SLC9A9: variants seen among roughly 807,000 people sequenced by gnomAD.
SLC9A9 encodes the protein solute carrier family 9 member A9.
In SLC9A9, 62 loss-of-function variants were observed where a neutral mutation model predicts 77.8. That is an observed-to-expected ratio of 0.80 (90% CI 0.65 to 0.98). The LOEUF is 0.98. Among genes scored for constraint, SLC9A9 ranks in the 50% least tolerant of loss-of-function variants. The pLI, the probability that SLC9A9 is intolerant of heterozygous loss-of-function variation, is 0.00. For missense variants in SLC9A9, 775 were observed against 774.9 expected, an observed-to-expected ratio of 1.00 and a Z score of 0.00; for synonymous variants, 320 against 283.5, an observed-to-expected ratio of 1.13 and a Z score of -1.29.
intron 2 of SLC9A9, 96 bp downstream of exon 2, chr3:143,831,923 G>A (rs750133960): frequency 9.3e-7 from 1 of 1,072,630 alleles, no homozygotes; most frequent in Non-Finnish European, 1.4e-6. Flanking sequence ...GCATATATGT[G>A]TGTGTGAATG....
chr3:143,321,217 A>C (rs1298342835), intron 14 of SLC9A9, among the ~76,000 whole-genome samples: 1 of 152,256 alleles, frequency 6.6e-6, no homozygotes, highest in Non-Finnish European at 1.5e-5. Flanking sequence ...TCTAACAAGA[A>C]ACCCTTTGGG....
At chr3:143,522,969 C>CG (rs1354785605) in intron 9 of SLC9A9, among the ~76,000 whole-genome samples, 1 of 152,150 alleles carries the variant, frequency 6.6e-6, no homozygotes, top group Non-Finnish European at 1.5e-5. Flanking sequence ...CATGCACCTC[C>CG]TGATTCTCAT....
At chr3:143,361,747 C>A (rs555265420) in intron 14 of SLC9A9, among the ~76,000 whole-genome samples, 47 of 152,216 alleles carry the variant, frequency 3.1e-4, no homozygotes, top group Non-Finnish European at 5.1e-4. Context: ...TGGAAATAAA[C>A]CCCTGATGAA....
chr3:143,287,101 TTGTG>T (rs3032423), intron 14 of SLC9A9, among the ~76,000 whole-genome samples: 3 of 149,128 alleles, frequency 2.0e-5, no homozygotes, highest in South Asian at 2.1e-4. Flanking sequence ...CTGGTCCCAC[TTGTG>T]TGTGTGTGTG....
intron 5 of SLC9A9, among the ~76,000 whole-genome samples, chr3:143,662,721 G>A (rs1422101451): frequency 6.6e-6 from 1 of 152,102 alleles, no homozygotes; most frequent in Non-Finnish European, 1.5e-5. Context: ...AGTCCGAGAT[G>A]AAATTGCGAG....
chr3:143,476,243 A>G (rs2035475000), intron 11 of SLC9A9, among the ~76,000 whole-genome samples: 3 of 152,198 alleles, frequency 2.0e-5, no homozygotes, highest in African/African-American at 7.2e-5. Context: ...GATTGTTTTC[A>G]GTAGGAAAAT....
intron 9 of SLC9A9, among the ~76,000 whole-genome samples, chr3:143,520,997 A>C (rs1489382987): frequency 6.6e-6 from 1 of 152,188 alleles, no homozygotes; most frequent in Non-Finnish European, 1.5e-5. Context: ...GTCATATGTC[A>C]AATGGCAAAT....
At chr3:143,318,714 G>C (rs1239634450) in intron 14 of SLC9A9, among the ~76,000 whole-genome samples, 1 of 152,156 alleles carries the variant, frequency 6.6e-6, no homozygotes, top group East Asian at 1.9e-4. Flanking sequence ...CTCAACCTGC[G>C]ATACCCAGTT....
chr3:143,786,686 G>T (rs2008067884), intron 4 of SLC9A9, among the ~76,000 whole-genome samples: 1 of 152,172 alleles, frequency 6.6e-6, no homozygotes, highest in Admixed American at 6.5e-5. Context: ...TGACAGATTA[G>T]AGATTATTTT....
chr3:143,479,187 G>A lies in SLC9A9; in HGVS notation c.1316-11997C>T, dbSNP rs116777030. On this transcript the variant is annotated intron_variant, in intron 11 of 15. Transcript: ENST00000316549. The stretch of plus-strand genomic sequence containing the variant: ...ACAATTTATATGTGTGAACTTGTTG[G>A]GGTGGGGGCACAATATATTTTACTC... Among the ~76,000 whole-genome samples, 409 of 152,294 alleles carry A rather than the reference G, an allele frequency of 2.7e-3. 1 individual carries two copies. The highest frequency in any genetic ancestry group is 9.6e-3 in the African/African-American group (401 of 41,576).
intron 4 of SLC9A9, among the ~76,000 whole-genome samples, chr3:143,757,576 C>A (rs768762177): frequency 6.6e-6 from 1 of 152,062 alleles, no homozygotes; most frequent in Non-Finnish European, 1.5e-5. Context: ...TCAATGGATG[C>A]CTGACTCTCC....
chr3:143,574,148 C>G lies in SLC9A9; in HGVS notation c.940G>C (p.Gly314Arg). The change falls in exon 8 of 16, where the codon GGC becomes CGC. Residue 314 changes from glycine to arginine, a missense_variant. Transcript: ENST00000316549. ...CTCCAAGAAAGCAGGAAAAACAGGC[C>G]GGTTTCCAGCATCGGGAACTCACAC... ...KLCEFPMLET[G>R]LFFLLSWSAF... 1.2e-6 allele frequency: 2 copies of G among 1,613,422 alleles called. No homozygotes were observed. The highest frequency in any genetic ancestry group is 1.7e-6 in the Non-Finnish European group (2 of 1,179,594).
At chr3:143,807,691 G>A (rs1338950145) in intron 2 of SLC9A9, among the ~76,000 whole-genome samples, 1 of 152,198 alleles carries the variant, frequency 6.6e-6, no homozygotes, top group Non-Finnish European at 1.5e-5. Context: ...GTTGCAGTAA[G>A]CCGAGATGGC....
Position 143,344,496 on chromosome 3 carries a change from A to G in SLC9A9, c.1604+18988T>C, listed in dbSNP as rs564272835. The G allele has an allele frequency of 3.9e-5, 6 of 152,324 alleles. No homozygotes were observed. The South Asian group carries it at 1.2e-3, about 32-fold the overall frequency. The allele number at this position is 152,324 out of a possible 1,614,324, so 9.4% of individuals were successfully genotyped here. On this transcript the variant is annotated intron_variant, in intron 14 of 15. Transcript: ENST00000316549. ...AGTTACAGATCTCTTAAAAAATCCA[A>G]TATGATGATGCCCATTTACAAAATT...
At chr3:143,713,239 T>C (rs1451057169) in intron 4 of SLC9A9, among the ~76,000 whole-genome samples, 2 of 152,216 alleles carry the variant, frequency 1.3e-5, no homozygotes, top group African/African-American at 4.8e-5. Flanking sequence ...TGTGCAGACC[T>C]TGGGACATAC....
intron 13 of SLC9A9, among the ~76,000 whole-genome samples, chr3:143,379,098 C>T (rs945573706): frequency 5.9e-5 from 9 of 151,802 alleles, no homozygotes; most frequent in Non-Finnish European, 1.0e-4. Context: ...GCTATAACTA[C>T]CTGCAAAATT....
At chr3:143,268,698 A>C (rs1460316515) in intron 15 of SLC9A9, among the ~76,000 whole-genome samples, 177 bp downstream of exon 15, 1 of 132,746 alleles carries the variant, frequency 7.5e-6, no homozygotes, top group Non-Finnish European at 1.5e-5. Flanking sequence ...ACGCCACTGC[A>C]CTCCAGCCTG....
At chr3:143,449,865 A>G (rs1173541312) in intron 12 of SLC9A9, among the ~76,000 whole-genome samples, 4 of 85,638 alleles carry the variant, frequency 4.7e-5, no homozygotes, top group Admixed American at 2.1e-4. Context: ...TTATATATAT[A>G]AAATATATAA....
chr3:143,783,422 G>GATGAGGAGACCTTTCTCAA (rs2007946426), intron 4 of SLC9A9, among the ~76,000 whole-genome samples: 1 of 152,078 alleles, frequency 6.6e-6, no homozygotes, highest in Non-Finnish European at 1.5e-5. Context: ...TAAGGTCTCA[G>GATGAGGAGACCTTTCTCAA]ATGAGGAGTC....
Sources: allele counts gnomAD v4.1 joint callset (sites outside exome capture counted in the v4.1 genomes callset), GRCh38; gene constraint gnomAD v4.1.1; transcripts MANE v1.5; gene names NCBI Gene and HGNC (gene_info 2026-07-23, HGNC 2026-07-21).